CDH13: variants seen among roughly 807,000 people sequenced by gnomAD.
CDH13 encodes cadherin 13, also known as cadherin-13.
A neutral mutation model predicts 63.8 loss-of-function variants in CDH13; 24 were observed. The ratio of observed to expected loss-of-function variants is 0.38; its 90% CI spans 0.27 to 0.53. The LOEUF (loss-of-function observed/expected upper bound fraction) is 0.53. Ranked by LOEUF, CDH13 falls within the 20% of genes least tolerant of loss-of-function variation. The pLI, the probability that CDH13 is intolerant of heterozygous loss-of-function variation, is 0.85. For synonymous variants in CDH13, 503 were observed against 355.3 expected, an observed-to-expected ratio of 1.42 and a Z score of -4.67; for missense variants, 1,049 against 903.1, an observed-to-expected ratio of 1.16 and a Z score of -2.07.
At chr16:82,933,405 C>G (rs917508742) in intron 2 of CDH13, among the ~76,000 whole-genome samples, 1 of 152,118 alleles carries the variant, frequency 6.6e-6, no homozygotes, top group African/African-American at 2.4e-5. Flanking sequence ...GATCCAATCA[C>G]CACTCATGAG....
intron 3 of CDH13, among the ~76,000 whole-genome samples, chr16:83,074,727 TCA>T (rs2032696923): frequency 6.6e-6 from 1 of 152,206 alleles, no homozygotes; most frequent in South Asian, 2.1e-4. Context: ...AGCCATCGTC[TCA>T]CACAGTCCTC....
intron 2 of CDH13, among the ~76,000 whole-genome samples, chr16:82,863,488 A>C (rs990116820): frequency 1.3e-5 from 2 of 152,200 alleles, no homozygotes; most frequent in African/African-American, 4.8e-5. Context: ...GCACACAGTC[A>C]TCTATTAGCT....
chr16:82,824,237 G>A (rs2038136396), intron 1 of CDH13: 1 of 151,900 alleles, frequency 6.6e-6, no homozygotes, highest in Non-Finnish European at 1.5e-5. Context: ...ATAATGATAG[G>A]GGAAAACAAA....
intron 3 of CDH13, among the ~76,000 whole-genome samples, chr16:83,033,567 G>A (rs1479498646): frequency 1.3e-5 from 2 of 152,126 alleles, no homozygotes; most frequent in African/African-American, 4.8e-5. Flanking sequence ...TATTATATGT[G>A]TGTGTAATTG....
At chr16:83,143,211 TC>T (rs1417990299) in intron 4 of CDH13, among the ~76,000 whole-genome samples, 4 of 152,234 alleles carry the variant, frequency 2.6e-5, no homozygotes, top group Non-Finnish European at 5.9e-5. Context: ...AAATATTTTT[TC>T]TTTGGATATA....
intron 1 of CDH13, among the ~76,000 whole-genome samples, chr16:82,777,394 G>A (rs2035547616): frequency 1.3e-5 from 2 of 152,140 alleles, no homozygotes; most frequent in African/African-American, 4.8e-5. Flanking sequence ...CTTGGAATTT[G>A]GCATCAATAT....
intron 6 of CDH13, among the ~76,000 whole-genome samples, chr16:83,389,335 C>T (rs1040280879): frequency 1.1e-4 from 17 of 152,152 alleles, no homozygotes; most frequent in African/African-American, 3.4e-4. Context: ...ATATTTTTTA[C>T]CAAAATGAGA....
At chr16:83,691,287 A>G (rs6563969) in intron 10 of CDH13, among the ~76,000 whole-genome samples, 63,882 of 151,904 alleles carry the variant, frequency 0.42, 13,827 homozygotes, top group African/African-American at 0.49. Flanking sequence ...AGTTTGAGGT[A>G]GACAAAGGGA....
chr16:83,567,982 A>G (rs1904300426), intron 7 of CDH13, among the ~76,000 whole-genome samples: 1 of 152,158 alleles, frequency 6.6e-6, no homozygotes, highest in Admixed American at 6.5e-5. Context: ...TGCTGCCCAC[A>G]TTCACTTGGG....
chr16:83,598,312 C>A (rs1598349872), intron 7 of CDH13, among the ~76,000 whole-genome samples: 1 of 152,146 alleles, frequency 6.6e-6, no homozygotes, highest in Admixed American at 6.5e-5. Flanking sequence ...CTGCAGTGAA[C>A]CATGACCACA....
At chr16:83,585,003 C>T (rs1379180878) in intron 7 of CDH13, among the ~76,000 whole-genome samples, 4 of 152,192 alleles carry the variant, frequency 2.6e-5, no homozygotes, top group Non-Finnish European at 4.4e-5. Flanking sequence ...GATCCAAACA[C>T]CTCCCACCAG....
chr16:83,222,865 A>G (rs2039737140), intron 5 of CDH13, among the ~76,000 whole-genome samples: 1 of 152,186 alleles, frequency 6.6e-6, no homozygotes, highest in African/African-American at 2.4e-5. Context: ...TTCTAGGGCA[A>G]GGTTTTTCAA....
chr16:83,680,686 C>T (rs1431598029), intron 10 of CDH13, among the ~76,000 whole-genome samples: 1 of 152,106 alleles, frequency 6.6e-6, no homozygotes, highest in Admixed American at 6.5e-5. Flanking sequence ...AGCTGGAACG[C>T]AGAAAGTTCT....
chr16:82,862,141 A>G (rs763392754), intron 2 of CDH13, among the ~76,000 whole-genome samples: 3 of 152,202 alleles, frequency 2.0e-5, no homozygotes, highest in Non-Finnish European at 4.4e-5. Flanking sequence ...ATTGCCCAGC[A>G]TGGTAGATCT....
At chr16:82,931,106 G>C (rs937672358) in intron 2 of CDH13, among the ~76,000 whole-genome samples, 1 of 152,186 alleles carries the variant, frequency 6.6e-6, no homozygotes, top group African/African-American at 2.4e-5. Context: ...ATTGCAAAGA[G>C]ATGCTGTGAT....
At chr16:83,633,931 TC>T (rs1173346649) in intron 8 of CDH13, among the ~76,000 whole-genome samples, 1 of 152,152 alleles carries the variant, frequency 6.6e-6, no homozygotes, top group Non-Finnish European at 1.5e-5. Context: ...TTTCCATTTT[TC>T]CATGATCACA....
At chr16:83,363,571 A>G (rs2091203931) in intron 6 of CDH13, among the ~76,000 whole-genome samples, 1 of 152,232 alleles carries the variant, frequency 6.6e-6, no homozygotes, top group African/African-American at 2.4e-5. Context: ...GAAATGGTCA[A>G]TTGGTTAAAT....
Position 83,470,206 on chromosome 16 carries a change from T to C in CDH13, c.782-16271T>C, listed in dbSNP as rs543663911. ...CAGAACCCTCTGCTGCTGGTGTTTT[T>C]CTGTGTGTTTGTTTTAGATTTTTGC... On this transcript the variant is annotated intron_variant, in intron 6 of 13. Transcript: ENST00000567109. Among the ~76,000 whole-genome samples, 5 of 152,262 alleles carry C rather than the reference T, an allele frequency of 3.3e-5. No individual in the cohort carries two copies. The South Asian group carries it at 1.0e-3, about 32-fold the overall frequency.
At chr16:83,710,300 A>G (rs1359674206) in intron 10 of CDH13, 1 of 152,252 alleles carries the variant, frequency 6.6e-6, no homozygotes, top group Admixed American at 6.5e-5. Flanking sequence ...ACCTCTGATT[A>G]AAAGCAAGAG....
Sources: gnomAD v4.1 joint callset for allele counts (sites outside exome capture counted in the v4.1 genomes callset) on GRCh38, gnomAD v4.1.1 for gene constraint, MANE v1.5 for transcripts, NCBI Gene and HGNC (gene_info 2026-07-23, HGNC 2026-07-21) for gene names.